The following TEF variants were observed in gnomAD, a reference collection of about 807,000 sequenced individuals.
The protein encoded by TEF is thyrotroph embryonic factor.
Under a neutral mutation model 20.8 loss-of-function variants are expected in TEF, and 3 were observed. That is an observed-to-expected ratio of 0.14 (90% CI 0.07 to 0.37). TEF has a LOEUF of 0.37. TEF is among the 10% of genes least tolerant of loss of function. TEF has a pLI of 1.00. For synonymous variants in TEF, 180 were observed against 171.1 expected (o/e 1.05, Z -0.41); for missense variants, 296 against 397.9 (o/e 0.74, Z 2.18).
chr22:41,372,074 G>A (rs577951995), intron 1 of TEF, among the ~76,000 whole-genome samples: 107 of 152,336 alleles, frequency 7.0e-4, no homozygotes, highest in African/African-American at 2.3e-3. Context: ...TTTCAGGGAC[G>A]AGGATGGGGA....
intron 1 of TEF, among the ~76,000 whole-genome samples, chr22:41,386,506 T>A (rs1569256255): frequency 1.3e-5 from 2 of 150,476 alleles, no homozygotes; most frequent in Non-Finnish European, 3.0e-5. Flanking sequence ...TTTGGGAGGC[T>A]GAGGCGGGTG....
chr22:41,388,578 CAAA>C (rs10717641), intron 2 of TEF, among the ~76,000 whole-genome samples: 13 of 116,366 alleles, frequency 1.1e-4, no homozygotes, highest in Admixed American at 3.3e-4. Context: ...GACGCCATCT[CAAA>C]AAAAAAAAAA....
chr22:41,381,887 C>G (rs559985231), upstream of TEF: 6 of 1,225,584 alleles, frequency 4.9e-6, no homozygotes, highest in South Asian at 2.1e-4. Flanking sequence ...GTGCCAGAGC[C>G]GGTCCGCAGG....
At chr22:41,369,034 C>T in intron 1 of TEF, 1 of 984,734 alleles carries the variant, frequency 1.0e-6, no homozygotes, top group Non-Finnish European at 1.2e-6. Flanking sequence ...GTCCAGGAAC[C>T]CAGGAAGGGT....
Position 41,395,960 on chromosome 22 carries a change from A to G in TEF, c.912A>G (p.Ter304=), listed in dbSNP as rs1173855552. 6.2e-7 allele frequency: 1 copy of G among 1,607,500 alleles called. No individual in the cohort carries two copies. Among genetic ancestry groups the G allele is most frequent in the South Asian group, 1.1e-5 (1 of 90,990 alleles). Reference sequence around the variant, plus strand: ...ATGAGACCAAATACGGGCCCTTGTAACCCGTGCCCCCCGCCCGGGCGGGGT... The same window carrying G: ...ATGAGACCAAATACGGGCCCTTGTAGCCCGTGCCCCCCGCCCGGGCGGGGT... The part of the protein sequence containing the change: ...SKYETKYGPL[*] Residue 304 remains the stop codon, a stop_retained_variant, in exon 4 of 4, where the codon TAA becomes TAG. Coordinates refer to ENST00000266304, the MANE Select transcript of TEF (RefSeq NM_003216.4).
chr22:41,387,391 C>G lies in TEF; in HGVS notation c.198C>G (p.Ala66=), dbSNP rs149773823. ...KGKEKLEEDE[A]AAASTMAVSA... is the part of the protein sequence containing the mutation. ...AGGAAAAGCTGGAGGAGGACGAGGCCGCAGCCGCCAGCACCATGGCTGTCT... is the reference window on the plus strand; with the variant it reads ...AGGAAAAGCTGGAGGAGGACGAGGCGGCAGCCGCCAGCACCATGGCTGTCT... Residue 66 remains alanine, a synonymous_variant, in exon 2 of 4, where the codon GCC becomes GCG. Coordinates refer to ENST00000266304, the MANE Select transcript of TEF (RefSeq NM_003216.4). 5 of 1,614,082 alleles carry G rather than the reference C, an allele frequency of 3.1e-6. No individual in the cohort carries two copies. In the Admixed American group the frequency reaches 6.7e-5, roughly 22 times the overall value.
intron 1 of TEF, among the ~76,000 whole-genome samples, chr22:41,384,876 C>G (rs572228858): frequency 6.6e-6 from 1 of 152,252 alleles, no homozygotes; most frequent in African/African-American, 2.4e-5. Context: ...GCCTCAGCCT[C>G]CCAAGTAGCT....
chr22:41,389,734 G>C (rs1345030744), intron 2 of TEF, among the ~76,000 whole-genome samples: 1 of 151,918 alleles, frequency 6.6e-6, no homozygotes, highest in Non-Finnish European at 1.5e-5. Context: ...GCCTCCCGAA[G>C]TGTTGGTTGA....
chr22:41,388,895 A>G (rs1464175731), intron 2 of TEF, among the ~76,000 whole-genome samples: 1 of 152,194 alleles, frequency 6.6e-6, no homozygotes, highest in Non-Finnish European at 1.5e-5. Flanking sequence ...TACAAAAGTA[A>G]GAGACGACTA....
upstream of TEF, among the ~76,000 whole-genome samples, chr22:41,381,310 C>CGCCCCGCCACAGCCCCGCCACA (rs1161690638): frequency 1.3e-5 from 2 of 152,286 alleles, no homozygotes; most frequent in East Asian, 3.9e-4. Context: ...CTTCCCCTCC[C>CGCCCCGCCACAGCCCCGCCACA]GCCCCGCCAC....
chr22:41,396,072 G>C lies in TEF; in HGVS notation c.*112G>C. ...TTATGACTCGTCGTGGGCGCATGGCGGCGCACCTGCTGCAGGAGCGGCCAC... is the reference window on the plus strand; with the variant it reads ...TTATGACTCGTCGTGGGCGCATGGCCGCGCACCTGCTGCAGGAGCGGCCAC... On this transcript the variant is annotated 3_prime_UTR_variant, in exon 4 of 4. Transcript: ENST00000266304. 8.3e-7 allele frequency: 1 copy of C among 1,208,750 alleles called. No homozygotes were observed. 74.9% of individuals were successfully genotyped at this position (1,208,750 alleles called of 1,614,324 possible).
rs1484125989 is a variant in TEF, at chr22:41,387,305, A to C, written c.158-46A>C. ...GCTCACTGCCCACTTCCTGGGATTG[A>C]GTTACTCTCCTGTGTGGTATTTCAT... On this transcript the variant is annotated intron_variant, in intron 1 of 3. Coordinates refer to ENST00000266304, the MANE Select transcript of TEF (RefSeq NM_003216.4). The C allele has an allele frequency of 2.5e-6, 4 of 1,599,464 alleles. No individual in the cohort carries two copies. The Admixed American group carries it at 6.7e-5, about 27-fold the overall frequency.
At chr22:41,385,535 C>G (rs1472251936) in intron 1 of TEF, among the ~76,000 whole-genome samples, 1 of 152,146 alleles carries the variant, frequency 6.6e-6, no homozygotes, top group Non-Finnish European at 1.5e-5. Flanking sequence ...AGAAGCATAA[C>G]TGGAGGGAAC....
chr22:41,381,087 G>T (rs1428454866), upstream of TEF, among the ~76,000 whole-genome samples: 2 of 152,208 alleles, frequency 1.3e-5, no homozygotes, highest in African/African-American at 2.4e-5. Context: ...CTCCCTCCAC[G>T]CTAGTGTTGA....
At chr22:41,391,162 A>T (rs1282538234) in intron 2 of TEF, among the ~76,000 whole-genome samples, 1 of 152,092 alleles carries the variant, frequency 6.6e-6, no homozygotes, top group Non-Finnish European at 1.5e-5. Flanking sequence ...TTATGTGCAT[A>T]ATCCAATTAA....
intron 1 of TEF, 112 bp downstream of exon 1, chr22:41,382,313 A>T: frequency 3.2e-4 from 233 of 717,052 alleles, no homozygotes; most frequent in East Asian, 1.4e-3. Flanking sequence ...GGTCCAGCGG[A>T]GGGGGATGGG....
chr22:41,389,798 ATAG>A (rs1417716800), intron 2 of TEF, among the ~76,000 whole-genome samples: 1 of 152,178 alleles, frequency 6.6e-6, no homozygotes, highest in Non-Finnish European at 1.5e-5. Flanking sequence ...TCATTGCTGA[ATAG>A]TAGTCAATTG....
intron 1 of TEF, chr22:41,367,650 G>T (rs909425398): frequency 2.6e-4 from 393 of 1,533,772 alleles, no homozygotes; most frequent in Middle Eastern, 5.0e-4. Context: ...ACTCGAGGGG[G>T]CGAGGGGGCA....
upstream of TEF, among the ~76,000 whole-genome samples, chr22:41,377,571 T>G (rs560796400): frequency 1.3e-5 from 2 of 152,168 alleles, no homozygotes; most frequent in Non-Finnish European, 2.9e-5. Flanking sequence ...ACTTTAGTGA[T>G]AGGAGACAGA....
Sources: allele counts gnomAD v4.1 joint callset (sites outside exome capture counted in the v4.1 genomes callset), GRCh38; gene constraint gnomAD v4.1.1; transcripts MANE v1.5; gene names NCBI Gene and HGNC (gene_info 2026-07-23, HGNC 2026-07-21).